GPR158: variants seen among roughly 807,000 people sequenced by gnomAD.
GPR158 encodes metabotropic glycine receptor.
A neutral mutation model predicts 78.2 loss-of-function variants in GPR158; 30 were observed. The observed-to-expected ratio is 0.38, with a 90% CI of 0.29 to 0.52. The LOEUF is 0.52. GPR158 is among the 20% of genes least tolerant of loss of function. The probability of loss-of-function intolerance (pLI) is 0.83; values close to 1 mark genes in which losing one functional copy is unlikely to be tolerated. For missense variants in GPR158, 1,463 were observed against 1,523.5 expected (o/e 0.96, Z 0.66); for synonymous variants, 581 against 591.1 (o/e 0.98, Z 0.25).
intron 5 of GPR158, among the ~76,000 whole-genome samples, chr10:25,480,344 C>T (rs1171903956): frequency 6.6e-6 from 1 of 152,108 alleles, no homozygotes; most frequent in Non-Finnish European, 1.5e-5. Flanking sequence ...ATATACATAA[C>T]ATAAAACTTA....
chr10:25,379,702 A>T (rs1588835866), intron 2 of GPR158, among the ~76,000 whole-genome samples: 1 of 76,464 alleles, frequency 1.3e-5, no homozygotes, highest in African/African-American at 5.3e-5. Flanking sequence ...TGTCTTCCTG[A>T]TTATTTTTCT....
At chr10:25,396,106 G>T in intron 3 of GPR158, 93 bp downstream of exon 3, 1 of 572,188 alleles carries the variant, frequency 1.7e-6, no homozygotes, top group East Asian at 3.1e-5. Context: ...GGAGTTATAT[G>T]GTTGAATAAT....
At chr10:25,473,271 A>G (rs990115633) in intron 5 of GPR158, among the ~76,000 whole-genome samples, 2 of 152,064 alleles carry the variant, frequency 1.3e-5, no homozygotes, top group Admixed American at 1.3e-4. Flanking sequence ...TGATTTGCGT[A>G]TATTGAACCA....
chr10:25,510,052 A>G (rs1033876644), intron 5 of GPR158, among the ~76,000 whole-genome samples: 1 of 152,162 alleles, frequency 6.6e-6, no homozygotes, highest in African/African-American at 2.4e-5. Context: ...AAGTCCCAAT[A>G]ACATCACTTC....
At chr10:25,208,805 C>T (rs2130666344) in intron 1 of GPR158, among the ~76,000 whole-genome samples, 1 of 151,862 alleles carries the variant, frequency 6.6e-6, no homozygotes, top group Admixed American at 6.6e-5. Flanking sequence ...GGAGACTGTA[C>T]AGGAGAGCAG....
chr10:25,493,361 AC>A (rs1295685694), intron 5 of GPR158, among the ~76,000 whole-genome samples: 2 of 152,290 alleles, frequency 1.3e-5, no homozygotes, highest in East Asian at 1.9e-4. Flanking sequence ...TTATCTCTGC[AC>A]CACTCAGATA....
chr10:25,535,357 G>A (rs1836485444), intron 5 of GPR158, among the ~76,000 whole-genome samples: 2 of 125,070 alleles, frequency 1.6e-5, no homozygotes, highest in African/African-American at 5.5e-5. Context: ...TGCTGGCTTT[G>A]ATGAAGCATG....
At chr10:25,251,720 G>A (rs371976852) in intron 2 of GPR158, among the ~76,000 whole-genome samples, 143 of 148,876 alleles carry the variant, frequency 9.6e-4, no homozygotes, top group South Asian at 7.3e-3. Flanking sequence ...AGGGTAACCC[G>A]ACCTTTCTCT....
chr10:25,290,218 T>G (rs984289734), intron 2 of GPR158, among the ~76,000 whole-genome samples: 13 of 152,172 alleles, frequency 8.5e-5, no homozygotes, highest in African/African-American at 3.1e-4. Context: ...TCAAAGACAT[T>G]TCATAACATT....
At chr10:25,508,697 G>C (rs903112305) in intron 5 of GPR158, among the ~76,000 whole-genome samples, 1 of 152,038 alleles carries the variant, frequency 6.6e-6, no homozygotes, top group Non-Finnish European at 1.5e-5. Context: ...AGGTCACCAG[G>C]GTCAATTGGG....
intron 2 of GPR158, among the ~76,000 whole-genome samples, chr10:25,235,851 C>A (rs1042130633): frequency 2.0e-5 from 3 of 151,880 alleles, no homozygotes; most frequent in Non-Finnish European, 4.4e-5. Context: ...TGCCTGCCAC[C>A]ATGCCCGGCT....
rs1056547735 is a variant in GPR158, at chr10:25,470,363, G to C, written c.1404+3644G>C. The stretch of plus-strand genomic sequence containing the variant: ...ATGCCCTTAACATGTAAAAGAGCTC[G>C]GTGGAGGGAGTTTGGCCCTTTTTGT... On this transcript the variant is annotated intron_variant, in intron 5 of 10. Coordinates refer to ENST00000376351, the MANE Select transcript of GPR158 (RefSeq NM_020752.3). 2.6e-5 allele frequency among the ~76,000 whole-genome samples: 4 copies of C among 151,918 alleles called. 1 individual carries two copies. The highest frequency in any genetic ancestry group is 4.8e-5 in the African/African-American group (2 of 41,326).
At chr10:25,459,224 T>C (rs937908116) in intron 4 of GPR158, among the ~76,000 whole-genome samples, 1 of 152,122 alleles carries the variant, frequency 6.6e-6, no homozygotes, top group African/African-American at 2.4e-5. Flanking sequence ...GAATTTCTCA[T>C]TGAAATAGCA....
At chr10:25,377,825 G>C (rs972206952) in intron 2 of GPR158, among the ~76,000 whole-genome samples, 6 of 151,988 alleles carry the variant, frequency 3.9e-5, no homozygotes, top group Admixed American at 6.6e-5. Context: ...TATGAATAAT[G>C]CTACTATGAA....
intron 4 of GPR158, among the ~76,000 whole-genome samples, chr10:25,415,671 T>C (rs1834648755): frequency 6.6e-6 from 1 of 152,120 alleles, no homozygotes; most frequent in South Asian, 2.1e-4. Flanking sequence ...ACTGAAAACA[T>C]ATGTCTACAA....
intron 2 of GPR158, among the ~76,000 whole-genome samples, chr10:25,340,407 G>C (rs1466173710): frequency 1.3e-5 from 2 of 152,142 alleles, no homozygotes; most frequent in Non-Finnish European, 2.9e-5. Flanking sequence ...AAATATTCCT[G>C]TACTCTATCA....
At chr10:25,274,208 G>A (rs896713145) in intron 2 of GPR158, among the ~76,000 whole-genome samples, 4 of 152,140 alleles carry the variant, frequency 2.6e-5, no homozygotes, top group Non-Finnish European at 4.4e-5. Context: ...CTAAACATTT[G>A]TCTTTAGGTG....
At chr10:25,577,272 C>A (rs1201130827) in intron 7 of GPR158, among the ~76,000 whole-genome samples, 2 of 152,040 alleles carry the variant, frequency 1.3e-5, no homozygotes, top group Non-Finnish European at 2.9e-5. Context: ...GCTAGAAAAC[C>A]TGTACTGAAC....
chr10:25,232,645 C>T (rs1320279959), intron 2 of GPR158, among the ~76,000 whole-genome samples: 1 of 152,060 alleles, frequency 6.6e-6, no homozygotes, highest in Non-Finnish European at 1.5e-5. Flanking sequence ...TTGTTTTTCC[C>T]TCCCCAAGGG....
Sources: allele counts gnomAD v4.1 joint callset (sites outside exome capture counted in the v4.1 genomes callset), GRCh38; gene constraint gnomAD v4.1.1; transcripts MANE v1.5; gene names NCBI Gene and HGNC (gene_info 2026-07-23, HGNC 2026-07-21).